PCCA: variants seen among roughly 807,000 people sequenced by gnomAD.
The protein encoded by PCCA is propionyl-CoA carboxylase subunit alpha.
In PCCA, 74 loss-of-function variants were observed where a neutral mutation model predicts 101.3. The ratio of observed to expected loss-of-function variants is 0.73; its 90% confidence interval spans 0.61 to 0.89. PCCA has a LOEUF of 0.89. PCCA is among the 40% of genes least tolerant of loss of function. The pLI is 0.00. For missense variants in PCCA, 891 were observed against 907.0 expected, an observed-to-expected ratio of 0.98 and a Z score of 0.23; for synonymous variants, 294 against 313.6, an observed-to-expected ratio of 0.94 and a Z score of 0.66.
chr13:100,198,960 G>A (rs1417819235), intron 6 of PCCA, among the ~76,000 whole-genome samples: 2 of 149,572 alleles, frequency 1.3e-5, no homozygotes, highest in Admixed American at 1.3e-4. Flanking sequence ...GGAAGAGGCT[G>A]GCAAACTGGC....
At position 100,522,014 on chromosome 13, in the gene PCCA, T is replaced by A. The variant is rs538848742; in HGVS notation, c.2041-5661T>A. The stretch of plus-strand genomic sequence containing the variant: ...TTCCCCAAAAAGGGGACTTAATTTT[T>A]CAGCTGCACGCAGTGATTTGGTGCT... On this transcript the variant is annotated intron_variant, in intron 22 of 23. Coordinates refer to ENST00000376285, the MANE Select transcript of PCCA (RefSeq NM_000282.4). Among the ~76,000 whole-genome samples the A allele has an allele frequency of 2.6e-5, 4 of 152,358 alleles. No homozygotes were observed. In the South Asian group the frequency reaches 8.3e-4, roughly 32 times the overall value.
chr13:100,510,995 T>G (rs374898020), intron 21 of PCCA, among the ~76,000 whole-genome samples: 1 of 152,162 alleles, frequency 6.6e-6, no homozygotes, highest in African/African-American at 2.4e-5. Context: ...CTTGGAGATT[T>G]GTGGTGGTGG....
intron 17 of PCCA, among the ~76,000 whole-genome samples, chr13:100,331,641 ATGAAGAATGGCTC>A (rs1175883085): frequency 4.6e-5 from 7 of 152,184 alleles, no homozygotes; most frequent in Non-Finnish European, 8.8e-5. Context: ...ATTAAGGCAA[ATGAAGAATGGCTC>A]TAAGTTGGGA....
intron 4 of PCCA, among the ~76,000 whole-genome samples, chr13:100,130,578 A>T (rs1275714695): frequency 2.0e-5 from 3 of 152,218 alleles, no homozygotes; most frequent in African/African-American, 4.8e-5. Flanking sequence ...AAGTTGAGGT[A>T]CAACTGCTTA....
intron 20 of PCCA, among the ~76,000 whole-genome samples, chr13:100,442,288 C>G (rs1167688920): frequency 1.3e-5 from 2 of 152,160 alleles, no homozygotes; most frequent in East Asian, 1.9e-4. Flanking sequence ...GCCACCACGC[C>G]TGGCCTGTCC....
At chr13:100,211,854 C>T (rs1052603588) in intron 7 of PCCA, among the ~76,000 whole-genome samples, 14 of 152,148 alleles carry the variant, frequency 9.2e-5, no homozygotes, top group Non-Finnish European at 1.9e-4. Context: ...GCTCCTCCCA[C>T]GTCAGCTTCT....
chr13:100,397,443 G>A (rs2077102224), intron 19 of PCCA, among the ~76,000 whole-genome samples: 2 of 152,166 alleles, frequency 1.3e-5, no homozygotes, highest in South Asian at 4.2e-4. Flanking sequence ...TCCTTTCTTT[G>A]CTTTAGACTC....
rs147177154 is a variant in PCCA at position 100,097,743 on chromosome 13, G to A, written c.106-5140G>A. 2.2e-3 allele frequency among the ~76,000 whole-genome samples: 338 copies of A among 152,196 alleles called. 3 individuals carry two copies. The highest frequency in any genetic ancestry group is 7.9e-3 in the African/African-American group (327 of 41,530). On this transcript the variant is annotated intron_variant, in intron 1 of 23. Transcript: ENST00000376285. ...AAAAAACAAACAAACACAAATCTTC[G>A]AATACTTATGTTAACAAAGTAAAGC...
At chr13:100,346,603 C>T (rs565843220) in intron 18 of PCCA, among the ~76,000 whole-genome samples, 24 of 152,238 alleles carry the variant, frequency 1.6e-4, no homozygotes, top group African/African-American at 3.4e-4. Context: ...GATAAAGCAG[C>T]GGCAAGTTTT....
At chr13:100,506,929 G>A (rs1275273859) in intron 21 of PCCA, among the ~76,000 whole-genome samples, 3 of 152,030 alleles carry the variant, frequency 2.0e-5, no homozygotes, top group Non-Finnish European at 4.4e-5. Context: ...ACACTTCATT[G>A]TACCCCAAAT....
At chr13:100,482,810 C>G (rs892120922) in intron 21 of PCCA, among the ~76,000 whole-genome samples, 1 of 152,136 alleles carries the variant, frequency 6.6e-6, no homozygotes, top group Non-Finnish European at 1.5e-5. Context: ...CATTTGAGGT[C>G]AGGAGTTCAA....
At chr13:100,473,976 G>GA (rs1047334494) in intron 21 of PCCA, among the ~76,000 whole-genome samples, 1 of 152,138 alleles carries the variant, frequency 6.6e-6, no homozygotes, top group African/African-American at 2.4e-5. Flanking sequence ...GGTTTCTGGA[G>GA]AAAAAATGCA....
At chr13:100,399,611 C>T (rs2077221093) in intron 19 of PCCA, among the ~76,000 whole-genome samples, 1 of 152,240 alleles carries the variant, frequency 6.6e-6, no homozygotes, top group South Asian at 2.1e-4. Flanking sequence ...GCAATTGACA[C>T]TAATTGGCAT....
chr13:100,117,097 C>G (rs775728329), intron 4 of PCCA, among the ~76,000 whole-genome samples: 3 of 152,098 alleles, frequency 2.0e-5, no homozygotes, highest in Non-Finnish European at 2.9e-5. Flanking sequence ...TGTGTCCTTG[C>G]CAACACTTGG....
intron 20 of PCCA, among the ~76,000 whole-genome samples, chr13:100,426,274 A>T (rs2079144028): frequency 6.6e-6 from 1 of 151,968 alleles, no homozygotes; most frequent in Non-Finnish European, 1.5e-5. Flanking sequence ...GTAACCTGTG[A>T]CTTCCATTTT....
At chr13:100,135,365 C>T (rs2051034772) in intron 4 of PCCA, among the ~76,000 whole-genome samples, 1 of 152,056 alleles carries the variant, frequency 6.6e-6, no homozygotes, top group Non-Finnish European at 1.5e-5. Context: ...ACATTCCAGC[C>T]TGGGTGACAG....
chr13:100,138,934 C>CAAAAAAAAAAAAA (rs34466523), intron 4 of PCCA, among the ~76,000 whole-genome samples: 7 of 83,102 alleles, frequency 8.4e-5, no homozygotes, highest in Non-Finnish European at 1.4e-4. Flanking sequence ...AACTCCATCT[C>CAAAAAAAAAAAAA]AAAAAAAAAA....
intron 1 of PCCA, among the ~76,000 whole-genome samples, chr13:100,095,571 C>A (rs2046693076): frequency 6.6e-6 from 1 of 152,152 alleles, no homozygotes; most frequent in Non-Finnish European, 1.5e-5. Flanking sequence ...GGGGACATTT[C>A]TGAGCATGTG....
At chr13:100,103,076 T>G in intron 2 of PCCA, 116 bp downstream of exon 2, 1 of 723,848 alleles carries the variant, frequency 1.4e-6, no homozygotes, top group Middle Eastern at 2.9e-4. Context: ...GTGTGGTCAT[T>G]GATCACTCTA....
Sources: gnomAD v4.1 joint callset for allele counts (sites outside exome capture counted in the v4.1 genomes callset) on GRCh38, gnomAD v4.1.1 for gene constraint, MANE v1.5 for transcripts, NCBI Gene and HGNC (gene_info 2026-07-23, HGNC 2026-07-21) for gene names.